WDR41: variants seen among roughly 807,000 people sequenced by gnomAD.
The protein encoded by WDR41 is WD repeat-containing protein 41.
In WDR41, 63 loss-of-function variants were observed where a neutral mutation model predicts 69.3. The ratio of observed to expected loss-of-function variants is 0.91; its 90% CI spans 0.74 to 1.12. The LOEUF (loss-of-function observed/expected upper bound fraction) is 1.12. WDR41 is among the 50% of genes most tolerant of loss of function. The pLI is 0.00. For synonymous variants in WDR41, 185 were observed against 192.1 expected, an observed-to-expected ratio of 0.96 and a Z score of 0.31; for missense variants, 543 against 534.5, an observed-to-expected ratio of 1.02 and a Z score of -0.16.
chr5:77,436,529 G>A (rs779286038), intron 11 of WDR41, 135 bp from the exon 12 acceptor site: 45 of 1,031,362 alleles, frequency 4.4e-5, no homozygotes, highest in South Asian at 2.0e-4. Flanking sequence ...CCTGAGCACC[G>A]TGCTAGGGTT....
intron 1 of WDR41, among the ~76,000 whole-genome samples, chr5:77,510,618 C>T (rs1184110065): frequency 6.6e-6 from 1 of 152,062 alleles, no homozygotes; most frequent in African/African-American, 2.4e-5. Context: ...TCCTCACAAC[C>T]ACCCTATGAA....
chr5:77,433,053 GATCAATAT>G lies in WDR41; in HGVS notation c.*74_*81del. On this transcript the variant is annotated 3_prime_UTR_variant, in exon 13 of 13. Transcript: ENST00000296679. ...GACAAAAAAAATTACCAATTTAAGT[GATCAATAT>G]ATTAATGGTTTTCAGAGTAGTACCC... The G allele has an allele frequency of 7.2e-7, 1 of 1,394,278 alleles. No individual in the cohort carries two copies. The allele number at this position is 1,394,278 out of a possible 1,614,324, so 86.4% of individuals were successfully genotyped here.
chr5:77,516,078 G>A (rs779273310), intron 1 of WDR41, among the ~76,000 whole-genome samples: 33 of 152,224 alleles, frequency 2.2e-4, no homozygotes, highest in Non-Finnish European at 2.6e-4. Flanking sequence ...CTCTTGGTAC[G>A]TAGTTCCAAA....
intron 12 of WDR41, among the ~76,000 whole-genome samples, chr5:77,433,601 A>ATAAG (rs1798814162): frequency 6.6e-6 from 1 of 152,212 alleles, no homozygotes. Context: ...CTTATACTGT[A>ATAAG]TAATGGCTAT....
chr5:77,462,409 CAAA>C (rs10670808), intron 4 of WDR41, among the ~76,000 whole-genome samples: 4,628 of 102,392 alleles, frequency 0.045, 212 homozygotes, highest in African/African-American at 0.15. Flanking sequence ...AACTCCGTCT[CAAA>C]AAAAAAAAAA....
At chr5:77,545,183 GT>G (rs1743168638) in intron 1 of WDR41, among the ~76,000 whole-genome samples, 1 of 151,968 alleles carries the variant, frequency 6.6e-6, no homozygotes, top group African/African-American at 2.4e-5. Context: ...TAAGAGGAAA[GT>G]TCCTAGCCCT....
intron 2 of WDR41, among the ~76,000 whole-genome samples, chr5:77,477,030 T>C (rs1043751912): frequency 1.3e-5 from 2 of 148,856 alleles, no homozygotes; most frequent in African/African-American, 5.1e-5. Context: ...AATCCTACTC[T>C]CTGATAAAAC....
chr5:77,486,464 T>A (rs188341887), intron 2 of WDR41, among the ~76,000 whole-genome samples: 30 of 152,350 alleles, frequency 2.0e-4, no homozygotes, highest in Middle Eastern at 3.4e-3. Flanking sequence ...TAGGACTTAG[T>A]TACTTCTACC....
In WDR41 at chr5:77,438,299, A is replaced by T. The variant is rs1261787390; in HGVS notation, c.945T>A (p.Ile315=). ...YVYSLQMKRV[I]ACQKTAHDSN... Reference sequence around the variant, plus strand: ...AGTCATGTGCAGTTTTCTGGCAGGCAATCACACGCTTCATTTGAAGGCTAT... The same window carrying T: ...AGTCATGTGCAGTTTTCTGGCAGGCTATCACACGCTTCATTTGAAGGCTAT... Residue 315 remains isoleucine, a synonymous_variant, in exon 10 of 13, where the codon ATT becomes ATA. Coordinates refer to ENST00000296679, the MANE Select transcript of WDR41 (RefSeq NM_018268.4). 1.2e-6 allele frequency: 2 copies of T among 1,613,966 alleles called. No individual in the cohort carries two copies. Among genetic ancestry groups the T allele is most frequent in the Non-Finnish European group, 1.7e-6 (2 of 1,179,932 alleles).
At chr5:77,545,131 A>G (rs1355262165) in intron 1 of WDR41, among the ~76,000 whole-genome samples, 1 of 152,126 alleles carries the variant, frequency 6.6e-6, no homozygotes, top group Non-Finnish European at 1.5e-5. Flanking sequence ...AACAATAGTG[A>G]CACAACCTAT....
intron 1 of WDR41, among the ~76,000 whole-genome samples, chr5:77,542,141 GC>G (rs1211666865): frequency 6.6e-6 from 1 of 152,166 alleles, no homozygotes; most frequent in Non-Finnish European, 1.5e-5. Flanking sequence ...GGAGCTGGAA[GC>G]CATTATCCTC....
intron 1 of WDR41, among the ~76,000 whole-genome samples, chr5:77,617,450 C>T (rs1229484346): frequency 6.6e-6 from 1 of 152,026 alleles, no homozygotes; most frequent in Non-Finnish European, 1.5e-5. Context: ...GGGCAAGCAT[C>T]TATAGAATCA....
At chr5:77,498,105 G>A (rs866284968) in intron 1 of WDR41, among the ~76,000 whole-genome samples, 1 of 152,102 alleles carries the variant, frequency 6.6e-6, no homozygotes, top group Non-Finnish European at 1.5e-5. Flanking sequence ...GAAATAGGGA[G>A]TTATTATTGA....
intron 8 of WDR41, among the ~76,000 whole-genome samples, chr5:77,442,166 G>A (rs147762201): frequency 3.9e-5 from 6 of 151,924 alleles, no homozygotes; most frequent in East Asian, 1.9e-4. Context: ...TGTAAATCTC[G>A]ATCCAACAAT....
chr5:77,619,622 G>A (rs1386369497), intron 1 of WDR41, among the ~76,000 whole-genome samples: 1 of 152,118 alleles, frequency 6.6e-6, no homozygotes, highest in Non-Finnish European at 1.5e-5. Flanking sequence ...CTGTCTAGAG[G>A]GAACAACAGG....
At chr5:77,545,963 G>C in intron 1 of WDR41, 1 of 489,524 alleles carries the variant, frequency 2.0e-6, no homozygotes, top group Non-Finnish European at 3.6e-6. Context: ...GCTCCGTGCT[G>C]GTGACCTCAT....
At chr5:77,565,592 T>G (rs1345986344) in intron 1 of WDR41, among the ~76,000 whole-genome samples, 1 of 152,050 alleles carries the variant, frequency 6.6e-6, no homozygotes, top group Non-Finnish European at 1.5e-5. Flanking sequence ...GGTGATAGAT[T>G]GACTATAAGG....
chr5:77,553,248 T>C (rs1488538986), intron 1 of WDR41, among the ~76,000 whole-genome samples: 1 of 152,234 alleles, frequency 6.6e-6, no homozygotes, highest in Non-Finnish European at 1.5e-5. Context: ...CAAGATTTAA[T>C]CACCAGCATT....
intron 2 of WDR41, among the ~76,000 whole-genome samples, chr5:77,470,930 T>C (rs561325205): frequency 1.3e-5 from 2 of 152,296 alleles, no homozygotes; most frequent in East Asian, 1.9e-4. Flanking sequence ...GCAGACCTAA[T>C]AGACATCTAC....
Sources: allele counts gnomAD v4.1 joint callset (sites outside exome capture counted in the v4.1 genomes callset), GRCh38; gene constraint gnomAD v4.1.1; transcripts MANE v1.5; gene names NCBI Gene and HGNC (gene_info 2026-07-23, HGNC 2026-07-21).